The following PCDHGB6 variants were observed in gnomAD, a reference collection of about 807,000 sequenced individuals.
The protein encoded by PCDHGB6 is protocadherin gamma-B6.
In PCDHGB6, 51 loss-of-function variants were observed where a neutral mutation model predicts 59.1. The observed-to-expected ratio is 0.86, with a 90% CI of 0.69 to 1.09. PCDHGB6 has a LOEUF of 1.09. Ranked by LOEUF, PCDHGB6 falls within the 50% of genes least tolerant of loss-of-function variation. The pLI, the probability that PCDHGB6 is intolerant of heterozygous loss-of-function variation, is 0.00. For missense variants in PCDHGB6, 1,148 were observed against 1,205.1 expected (o/e 0.95, Z 0.70); for synonymous variants, 466 against 495.1 (o/e 0.94, Z 0.78).
At chr5:141,428,147 G>T (rs771536400) in intron 1 of PCDHGB6, 1 of 1,589,612 alleles carries the variant, frequency 6.3e-7, no homozygotes, top group South Asian at 1.1e-5. Flanking sequence ...GGCTGCACAC[G>T]GGAACCTGCT....
At chr5:141,481,894 A>G (rs1278425155) in intron 1 of PCDHGB6, among the ~76,000 whole-genome samples, 1 of 145,812 alleles carries the variant, frequency 6.9e-6, no homozygotes, top group Non-Finnish European at 1.5e-5. Flanking sequence ...AGCCTGGGTG[A>G]AAGAGCGAAA....
Position 141,489,646 on chromosome 5 carries a change from C to G in PCDHGB6, c.2419-5161C>G, listed in dbSNP as rs1274955075. The G allele has an allele frequency of 1.2e-6, 2 of 1,614,186 alleles. No individual in the cohort carries two copies. Among genetic ancestry groups the G allele is most frequent in the Non-Finnish European group, 1.7e-6 (2 of 1,180,022 alleles). ...TGACAACTCTCCTAGCTTTGCCACC[C>G]CTGAGCGAGAGATGCGCATCTCAGA... On this transcript the variant is annotated intron_variant, in intron 1 of 3. Coordinates refer to ENST00000520790, the MANE Select transcript of PCDHGB6 (RefSeq NM_018926.3). The surrounding 1 kb of genome is among the most constrained non-coding windows in gnomAD (Gnocchi z 4.5).
intron 1 of PCDHGB6, chr5:141,419,541 G>A: frequency 6.2e-7 from 1 of 1,612,076 alleles, no homozygotes; most frequent in Non-Finnish European, 8.5e-7. Context: ...AACGCACCGC[G>A]GGTGCTGTAC....
chr5:141,491,857 G>A lies in PCDHGB6; in HGVS notation c.2419-2950G>A. Reference sequence around the variant, plus strand: ...CTCGGGATCATTGGACCGTTTGCGCGAAACCAGAGTGGCCGATTAAGGGAT... The same window carrying A: ...CTCGGGATCATTGGACCGTTTGCGCAAAACCAGAGTGGCCGATTAAGGGAT... On this transcript the variant is annotated intron_variant, in intron 1 of 3. Transcript: ENST00000520790. This position sits in a 1 kb window ranked among gnomAD's most constrained non-coding sequence, Gnocchi z 6.9. The A allele has an allele frequency of 6.9e-7, 1 of 1,457,470 alleles. No homozygotes were observed. The highest frequency in any genetic ancestry group is 1.5e-5 in the South Asian group (1 of 68,508). The allele number at this position is 1,457,470 out of a possible 1,614,324, so 90.3% of individuals were successfully genotyped here. A position where few individuals can be genotyped will look rare whatever the true frequency, so the allele number is the denominator to read the frequency against.
chr5:141,511,412 C>A lies in PCDHGB6; in HGVS notation c.*239C>A. 1.1e-6 allele frequency: 1 copy of A among 892,000 alleles called. No homozygotes were observed. Among genetic ancestry groups the A allele is most frequent in the Non-Finnish European group, 1.6e-6 (1 of 609,476 alleles). The allele number at this position is 892,000 out of a possible 1,614,324, so 55.3% of individuals were successfully genotyped here. On this transcript the variant is annotated 3_prime_UTR_variant, in exon 4 of 4. Coordinates refer to ENST00000520790, the MANE Select transcript of PCDHGB6 (RefSeq NM_018926.3). ...AACCCCCATCCAATCAACTGCTGTA[C>A]CCATGGGGGTAGTGGGGTTACTGTA...
intron 1 of PCDHGB6, among the ~76,000 whole-genome samples, chr5:141,453,080 A>T (rs1323212808): frequency 6.6e-6 from 1 of 151,960 alleles, no homozygotes; most frequent in Non-Finnish European, 1.5e-5. Context: ...ACTCTGGTTG[A>T]TTAGTATATT....
intron 1 of PCDHGB6, chr5:141,420,054 G>A (rs1355002535): frequency 6.2e-7 from 1 of 1,614,070 alleles, no homozygotes; most frequent in East Asian, 2.2e-5. Context: ...TCAGTTCTCT[G>A]CTCCAAGTCC....
chr5:141,426,978 G>A (rs1383521288), intron 1 of PCDHGB6: 1 of 456,770 alleles, frequency 2.2e-6, no homozygotes, highest in Non-Finnish European at 4.4e-6. Flanking sequence ...TGAGGTCACT[G>A]ATGCCAACGA....
rs770235234 is a variant in PCDHGB6 at position 141,422,145 on chromosome 5, G to T, written c.2418+11525G>T. On this transcript the variant is annotated intron_variant, in intron 1 of 3. Coordinates refer to ENST00000520790, the MANE Select transcript of PCDHGB6 (RefSeq NM_018926.3). Reference sequence around the variant, plus strand: ...AAACTGGAGAAGTTCAAGTACGGGGGTCTCTGGATTTTGAAAAATATAGAT... The same window carrying T: ...AAACTGGAGAAGTTCAAGTACGGGGTTCTCTGGATTTTGAAAAATATAGAT... The T allele has an allele frequency of 8.2e-6, 13 of 1,580,608 alleles. No individual in the cohort carries two copies. The African/African-American group carries it at 1.5e-4, about 18-fold the overall frequency.
chr5:141,424,434 T>C (rs2096821185), intron 1 of PCDHGB6: 1 of 151,048 alleles, frequency 6.6e-6, no homozygotes, highest in Admixed American at 6.6e-5. Flanking sequence ...GAGGAAATAA[T>C]TGAATTATTG....
intron 1 of PCDHGB6, among the ~76,000 whole-genome samples, chr5:141,458,102 A>G (rs1314999618): frequency 6.6e-6 from 1 of 152,246 alleles, no homozygotes; most frequent in Admixed American, 6.5e-5. Context: ...GTACTTACAG[A>G]TAGTCTCCAA....
chr5:141,421,953 G>A lies in PCDHGB6; in HGVS notation c.2418+11333G>A, dbSNP rs193141134. On this transcript the variant is annotated intron_variant, in intron 1 of 3. Coordinates refer to ENST00000520790, the MANE Select transcript of PCDHGB6 (RefSeq NM_018926.3). ...TCGATGTAAATGATCACATCCCAATGTTTACACAGTCCGTATATCGCGTGA... is the reference window on the plus strand; with the variant it reads ...TCGATGTAAATGATCACATCCCAATATTTACACAGTCCGTATATCGCGTGA... 1.8e-4 allele frequency: 295 copies of A among 1,612,962 alleles called. 5 individuals are homozygous for A. In the East Asian group the frequency reaches 4.0e-3, roughly 22 times the overall value.
rs887814386 is a variant in PCDHGB6, at chr5:141,431,347, G to A, written c.2418+20727G>A. The A allele has an allele frequency of 1.9e-6, 3 of 1,614,098 alleles. No individual in the cohort carries two copies. The highest frequency in any genetic ancestry group is 2.5e-6 in the Non-Finnish European group (3 of 1,180,036). On this transcript the variant is annotated intron_variant, in intron 1 of 3. Coordinates refer to ENST00000520790, the MANE Select transcript of PCDHGB6 (RefSeq NM_018926.3). This position sits in a 1 kb window ranked among gnomAD's most constrained non-coding sequence, Gnocchi z 4.8. ...GTAGTAAGTACCCCGAATTGGTGCT[G>A]AAACGCGCCCTGGACCGCGAAGAAA...
intron 1 of PCDHGB6, chr5:141,422,941 G>A (rs777535652): frequency 9.9e-6 from 16 of 1,614,218 alleles, no homozygotes; most frequent in East Asian, 4.5e-5. Context: ...CCCCACAGAC[G>A]GCTCCACTGG....
chr5:141,471,124 A>C (rs2099250596), intron 1 of PCDHGB6, among the ~76,000 whole-genome samples: 1 of 141,916 alleles, frequency 7.0e-6, no homozygotes, highest in East Asian at 2.1e-4. Flanking sequence ...TCTTACCTTC[A>C]CTGCAACCTC....
At chr5:141,418,031 G>A (rs760396058) in intron 1 of PCDHGB6, 1 of 1,614,022 alleles carries the variant, frequency 6.2e-7, no homozygotes, top group Non-Finnish European at 8.5e-7. Context: ...AGGGCTTAGT[G>A]TCCTGGATGT....
rs773944794 is a variant in PCDHGB6 at position 141,477,003 on chromosome 5, C to T, written c.2419-17804C>T. 1.2e-6 allele frequency: 2 copies of T among 1,614,214 alleles called. No homozygotes were observed. The highest frequency in any genetic ancestry group is 8.5e-7 in the Non-Finnish European group (1 of 1,180,040). On this transcript the variant is annotated intron_variant, in intron 1 of 3. Transcript: ENST00000520790. This position sits in a 1 kb window ranked among gnomAD's most constrained non-coding sequence, Gnocchi z 4.9. ...CGCGCCGGCGTGCGGCAACTATTCG[C>T]CTTAGACCTTGTAACCGGGATGCTG...
intron 1 of PCDHGB6, among the ~76,000 whole-genome samples, chr5:141,464,966 T>C (rs192224238): frequency 1.2e-3 from 178 of 152,274 alleles, no homozygotes; most frequent in Middle Eastern, 3.4e-3. Flanking sequence ...TGTCTTGAAC[T>C]ACTGGCTTCA....
At chr5:141,471,743 C>T (rs769600930) in intron 1 of PCDHGB6, among the ~76,000 whole-genome samples, 2 of 152,142 alleles carry the variant, frequency 1.3e-5, no homozygotes, top group Non-Finnish European at 2.9e-5. Flanking sequence ...GGAGACATAA[C>T]ATATTTGAGG....
Sources: gnomAD v4.1 joint callset for allele counts (sites outside exome capture counted in the v4.1 genomes callset) on GRCh38, gnomAD v4.1.1 for gene constraint, Gnocchi (gnomAD v3.1) non-coding constraint, MANE v1.5 for transcripts, NCBI Gene and HGNC (gene_info 2026-07-23, HGNC 2026-07-21) for gene names.